The following ATP10A variants were observed in gnomAD, a reference collection of about 807,000 sequenced individuals.
ATP10A encodes the protein phospholipid-transporting ATPase VA.
ATP10A carries 111 observed loss-of-function variants against 147.8 expected under a neutral mutation model. The ratio of observed to expected loss-of-function variants is 0.75; its 90% CI spans 0.64 to 0.88. The LOEUF (loss-of-function observed/expected upper bound fraction) is 0.88, where lower values mean the gene tolerates loss of function less well. ATP10A is among the 40% of genes least tolerant of loss of function. The pLI, the probability that ATP10A is intolerant of heterozygous loss-of-function variation, is 0.00. For synonymous variants in ATP10A, 875 were observed against 841.6 expected (o/e 1.04, Z -0.69); for missense variants, 1,927 against 1,959.0 (o/e 0.98, Z 0.31).
intron 1 of ATP10A, among the ~76,000 whole-genome samples, chr15:25,823,931 G>C (rs1453963124): frequency 6.6e-6 from 1 of 152,170 alleles, no homozygotes; most frequent in Non-Finnish European, 1.5e-5. Flanking sequence ...GGTCATGTGC[G>C]TTCTTTTGCA....
intron 12 of ATP10A, among the ~76,000 whole-genome samples, chr15:25,702,668 T>A (rs952405975): frequency 1.3e-5 from 2 of 152,180 alleles, no homozygotes; most frequent in African/African-American, 2.4e-5. Context: ...ATAAAGAAGT[T>A]GAGAGGCAGG....
intron 3 of ATP10A, among the ~76,000 whole-genome samples, chr15:25,731,329 C>T (rs938069521): frequency 6.6e-6 from 1 of 152,160 alleles, no homozygotes; most frequent in East Asian, 1.9e-4. Flanking sequence ...GAAGACATAA[C>T]AATTATAAAT....
chr15:25,824,811 G>A (rs550529727), intron 1 of ATP10A, among the ~76,000 whole-genome samples: 5 of 152,218 alleles, frequency 3.3e-5, no homozygotes, highest in African/African-American at 4.8e-5. Context: ...GCTTTGTAGC[G>A]TTTTACGTTT....
intron 1 of ATP10A, among the ~76,000 whole-genome samples, chr15:25,841,321 G>A (rs192989770): frequency 1.7e-4 from 25 of 148,692 alleles, no homozygotes; most frequent in Non-Finnish European, 2.5e-4. Flanking sequence ...CTCCCACACC[G>A]TTTATTGGAA....
At chr15:25,684,692 G>A (rs1480262054) in intron 16 of ATP10A, among the ~76,000 whole-genome samples, 24 of 152,172 alleles carry the variant, frequency 1.6e-4, no homozygotes, top group Admixed American at 1.6e-3. Flanking sequence ...GTCCCAGCAG[G>A]GAACTCTGAC....
intron 1 of ATP10A, among the ~76,000 whole-genome samples, chr15:25,794,640 G>A (rs887097899): frequency 3.3e-5 from 5 of 152,314 alleles, no homozygotes; most frequent in East Asian, 1.9e-4. Context: ...GGAAGCCGAC[G>A]TCAATTTTCC....
intron 11 of ATP10A, 31 bp from the exon 12 acceptor site, chr15:25,708,133 C>T (rs181977662): frequency 3.5e-5 from 56 of 1,613,174 alleles, no homozygotes; most frequent in East Asian, 1.3e-4. Context: ...AGTGCTGCAC[C>T]GGGCGCTGCT....
intron 16 of ATP10A, among the ~76,000 whole-genome samples, chr15:25,687,322 T>C (rs1421107431): frequency 6.6e-6 from 1 of 152,070 alleles, no homozygotes; most frequent in African/African-American, 2.4e-5. Context: ...ACAGAGTGGT[T>C]AGGAGCCTGG....
At chr15:25,786,144 G>A (rs1890147245) in intron 1 of ATP10A, among the ~76,000 whole-genome samples, 1 of 152,222 alleles carries the variant, frequency 6.6e-6, no homozygotes, top group Non-Finnish European at 1.5e-5. Context: ...GGGGAAGCTG[G>A]CGTTGTGGCT....
At chr15:25,691,020 C>G (rs1900005185) in intron 15 of ATP10A, among the ~76,000 whole-genome samples, 1 of 152,148 alleles carries the variant, frequency 6.6e-6, no homozygotes, top group South Asian at 2.1e-4. Context: ...CAGATCATTA[C>G]TGATCGAACC....
rs138419285 is a variant in ATP10A, at chr15:25,701,980, A to G, written c.2696T>C (p.Ile899Thr). Residue 899 changes from isoleucine (I) to threonine (T), a missense_variant, in exon 13 of 21, where the codon ATT becomes ACT. Transcript: ENST00000555815. ...TGDKQETAVNIAYACKLLDHD... is the reference protein window; with the variant it reads ...TGDKQETAVNTAYACKLLDHD... ...GTCCAGCAGTTTGCAGGCATATGCA[A>G]TGTTGACAGCTGTTTCTTGTTTGTC... 12 of 1,614,026 alleles carry G rather than the reference A, an allele frequency of 7.4e-6. No homozygotes were observed. The African/African-American group carries it at 1.5e-4, about 20-fold the overall frequency.
At chr15:25,725,188 G>T (rs749671990) in intron 5 of ATP10A, among the ~76,000 whole-genome samples, 2 of 152,114 alleles carry the variant, frequency 1.3e-5, no homozygotes, top group Non-Finnish European at 2.9e-5. Flanking sequence ...TAGGTTGCAC[G>T]CTCCTGATGA....
At chr15:25,829,230 G>T (rs532066762) in intron 1 of ATP10A, among the ~76,000 whole-genome samples, 3 of 152,080 alleles carry the variant, frequency 2.0e-5, no homozygotes, top group Non-Finnish European at 2.9e-5. Context: ...AAGGGGGAAG[G>T]TTCGTTCAAA....
At chr15:25,761,737 T>C (rs1302429330) in intron 2 of ATP10A, among the ~76,000 whole-genome samples, 2 of 152,238 alleles carry the variant, frequency 1.3e-5, no homozygotes, top group Non-Finnish European at 2.9e-5. Context: ...AATGGCTATA[T>C]TTACCCAGTG....
Position 25,713,775 on chromosome 15 carries a change from C to T in ATP10A, c.2243G>A (p.Arg748Lys). 2 of 1,614,178 alleles carry T rather than the reference C, an allele frequency of 1.2e-6. No homozygotes were observed. Among genetic ancestry groups the T allele is most frequent in the Non-Finnish European group, 1.7e-6 (2 of 1,180,032 alleles). Residue 748 changes from arginine to lysine, a missense_variant, in exon 10 of 21, where the codon AGG (arginine) becomes AAG (lysine). Coordinates refer to ENST00000555815, the MANE Select transcript of ATP10A (RefSeq NM_024490.4). ...HTLGFDSVRK[R>K]MSVVIRHPLT... ...CGGGTGCCGGATCACCACTGACATC[C>T]TCTTGCGGACGGAATCGAAACCCAG...
chr15:25,752,446 C>T (rs1166266348), intron 2 of ATP10A, among the ~76,000 whole-genome samples: 2 of 152,106 alleles, frequency 1.3e-5, no homozygotes, highest in African/African-American at 4.8e-5. Flanking sequence ...TCTAAAGCAA[C>T]CAAACTCAGA....
At chr15:25,813,102 A>G (rs1891501267) in intron 1 of ATP10A, among the ~76,000 whole-genome samples, 1 of 152,154 alleles carries the variant, frequency 6.6e-6, no homozygotes, top group Non-Finnish European at 1.5e-5. Flanking sequence ...TTGTCTCTGG[A>G]GGGTACCCTT....
chr15:25,756,350 AAAGT>A (rs1451634167), intron 2 of ATP10A, among the ~76,000 whole-genome samples: 3 of 152,198 alleles, frequency 2.0e-5, no homozygotes, highest in Non-Finnish European at 2.9e-5. Context: ...GGCTTAAAGA[AAAGT>A]GAGTGCTGGC....
intron 1 of ATP10A, 90 bp from the exon 2 acceptor site, chr15:25,781,313 C>T (rs1376310607): frequency 5.4e-6 from 6 of 1,113,796 alleles, no homozygotes; most frequent in African/African-American, 1.6e-5. Flanking sequence ...TATGGCAATT[C>T]TTTCTACATT....
Sources: allele counts gnomAD v4.1 joint callset (sites outside exome capture counted in the v4.1 genomes callset), GRCh38; gene constraint gnomAD v4.1.1; transcripts MANE v1.5; gene names NCBI Gene and HGNC (gene_info 2026-07-23, HGNC 2026-07-21).